Variants in NPRL3 observed in about 807,000 individuals in gnomAD.
The protein encoded by NPRL3 is NPR3 like, GATOR1 complex subunit.
In NPRL3, 23 loss-of-function variants were observed where a neutral mutation model predicts 57.2. The ratio of observed to expected loss-of-function variants is 0.40; its 90% CI spans 0.29 to 0.57. The LOEUF (loss-of-function observed/expected upper bound fraction) is 0.57. Ranked by LOEUF, NPRL3 falls within the 20% of genes least tolerant of loss-of-function variation. The pLI is 0.42. For missense variants in NPRL3, 691 were observed against 767.1 expected (o/e 0.90, Z 1.17); for synonymous variants, 333 against 321.1 (o/e 1.04, Z -0.39).
At chr16:100,634 G>T in intron 7 of NPRL3, 125 bp from the exon 8 acceptor site, 2 of 914,186 alleles carry the variant, frequency 2.2e-6, no homozygotes, top group Non-Finnish European at 3.0e-6. Context: ...GTGGAGACCC[G>T]GGCAGGAGAG....
Position 85,886 on chromosome 16 carries a change from G to A in NPRL3, c.*819C>T. On this transcript the variant is annotated 3_prime_UTR_variant, in exon 14 of 14. Transcript: ENST00000611875. ...GAGCTCCTCTAGGTGATCAACCCAT[G>A]TCTGGAGCTAGCTCTTCCTCCAGGA... 4 of 1,245,822 alleles carry A rather than the reference G, an allele frequency of 3.2e-6. No homozygotes were observed. The highest frequency in any genetic ancestry group is 4.1e-6 in the Non-Finnish European group (4 of 967,394). The allele number at this position is 1,245,822 out of a possible 1,614,324, so 77.2% of individuals were successfully genotyped here.
At chr16:116,787 A>ACCCCCCC (rs71391112) in intron 5 of NPRL3, among the ~76,000 whole-genome samples, 59 of 85,940 alleles carry the variant, frequency 6.9e-4, no homozygotes, top group South Asian at 2.0e-3. Context: ...ACATGGCGAG[A>ACCCCCCC]CCCCCCCCCC....
intron 11 of NPRL3, among the ~76,000 whole-genome samples, chr16:92,220 C>A (rs1017518993): frequency 6.6e-6 from 1 of 152,214 alleles, no homozygotes; most frequent in Non-Finnish European, 1.5e-5. Context: ...GAGAACAAAA[C>A]TGCCTTTGCA....
At chr16:128,286 AT>A (rs1900634460) in intron 3 of NPRL3, among the ~76,000 whole-genome samples, 1 of 152,170 alleles carries the variant, frequency 6.6e-6, no homozygotes, top group South Asian at 2.1e-4. Flanking sequence ...CATCTGGCCT[AT>A]TTCAGTTAAC....
rs758631728 is a variant in NPRL3, at chr16:85,625, C to T, written c.*1080G>A. 2 of 1,598,302 alleles carry T rather than the reference C, an allele frequency of 1.3e-6. No individual in the cohort carries two copies. Among genetic ancestry groups the T allele is most frequent in the Non-Finnish European group, 1.7e-6 (2 of 1,168,534 alleles). On this transcript the variant is annotated 3_prime_UTR_variant, in exon 14 of 14. Transcript: ENST00000611875. ...AGCTGTATGGCTGGAGCGTGGTCCC[C>T]TGGAGCCCAGTGAGCCGGCTGTAGT... is the stretch of plus-strand genomic sequence containing the variant.
chr16:103,093 GCTGTCAC>G (rs1899368436), intron 7 of NPRL3, among the ~76,000 whole-genome samples: 1 of 151,916 alleles, frequency 6.6e-6, no homozygotes, highest in Non-Finnish European at 1.5e-5. Context: ...CATGCACTGT[GCTGTCAC>G]CATCTGGGTC....
intron 4 of NPRL3, among the ~76,000 whole-genome samples, chr16:117,638 G>A (rs972143242): frequency 1.3e-5 from 2 of 152,230 alleles, no homozygotes; most frequent in Non-Finnish European, 2.9e-5. Flanking sequence ...ACGAGATGGA[G>A]AGGGGCATAA....
intron 10 of NPRL3, 23 bp from the exon 11 acceptor site, chr16:92,748 G>T (rs757524017): frequency 1.2e-6 from 2 of 1,611,794 alleles, no homozygotes; most frequent in South Asian, 1.1e-5. Context: ...GAGCATGCCA[G>T]TGAGTGCAGC....
chr16:127,902 G>A (rs374304455), intron 3 of NPRL3, among the ~76,000 whole-genome samples: 29 of 152,072 alleles, frequency 1.9e-4, no homozygotes, highest in East Asian at 1.5e-3. Flanking sequence ...TGATCCGCCC[G>A]CCTTGGCCTC....
At chr16:104,126 CAA>C (rs199846582) in intron 7 of NPRL3, among the ~76,000 whole-genome samples, 18 of 95,310 alleles carry the variant, frequency 1.9e-4, no homozygotes, top group Admixed American at 3.4e-4. Context: ...AACTCCATCT[CAA>C]AAAAAAAAAA....
intron 9 of NPRL3, among the ~76,000 whole-genome samples, chr16:95,406 TAAAA>T (rs1898965584): frequency 7.0e-6 from 1 of 143,076 alleles, no homozygotes; most frequent in Non-Finnish European, 1.5e-5. Context: ...TATATACAGA[TAAAA>T]AACCTGGAGG....
chr16:88,691 C>T lies in NPRL3; in HGVS notation c.1544+7G>A, dbSNP rs1186763060. On this transcript the variant is annotated splice_region_variant and intron_variant, in intron 13 of 13. Coordinates refer to ENST00000611875, the MANE Select transcript of NPRL3 (RefSeq NM_001077350.3). ...GCCCCAGTCCCAACGGGTCAACCTA[C>T]ACCCACCTGGCAAACATGCGGAGGT... 1.9e-6 allele frequency: 3 copies of T among 1,605,680 alleles called. No homozygotes were observed. The highest frequency in any genetic ancestry group is 1.3e-5 in the African/African-American group (1 of 74,784).
chr16:109,284 T>G lies in NPRL3; in HGVS notation c.629+1241A>C, dbSNP rs142546811. ...GCCCGGCCTGCTTGTCCACATTTAA[T>G]AAAGGTGATGCTCAGCCAATACAAT... On this transcript the variant is annotated intron_variant, in intron 7 of 13. Transcript: ENST00000611875. Among the ~76,000 whole-genome samples the G allele has an allele frequency of 5.9e-5, 9 of 152,276 alleles. No individual in the cohort carries two copies. The East Asian group carries it at 1.5e-3, about 26-fold the overall frequency.
rs768908442 is a variant in NPRL3 at position 98,200 on chromosome 16, G to C, written c.869C>G (p.Ser290Cys). Residue 290 changes from serine to cysteine, a missense_variant, in exon 9 of 14, where the codon TCT becomes TGT. By Grantham distance (112) the Ser-to-Cys change is moderately radical. Coordinates refer to ENST00000611875, the MANE Select transcript of NPRL3 (RefSeq NM_001077350.3). ...TAGCTGCTGCAGGTTCTTCACAGCAGATGTGGTCTTGATCACCCGCACTAG... is the reference window on the plus strand; with the variant it reads ...TAGCTGCTGCAGGTTCTTCACAGCACATGTGGTCTTGATCACCCGCACTAG... Reference protein sequence around the residue: ...PALVRVIKTTSAVKNLQQLAQ... With the variant: ...PALVRVIKTTCAVKNLQQLAQ... 1.2e-6 allele frequency: 2 copies of C among 1,613,986 alleles called. No individual in the cohort carries two copies. The highest frequency in any genetic ancestry group is 1.7e-6 in the Non-Finnish European group (2 of 1,179,890).
At position 93,003 on chromosome 16, in the gene NPRL3, T is replaced by C. The variant is rs1349179592; in HGVS notation, c.1031+216A>G. On this transcript the variant is annotated intron_variant, in intron 10 of 13. Transcript: ENST00000611875. ...CCAGCCTGGAGGAGGGGGCCAGGCA[T>C]ATGGGGGACACAGGAGAGCCACAGA... The C allele has an allele frequency of 1.1e-5, 7 of 613,056 alleles. No individual in the cohort carries two copies. The East Asian group carries it at 1.9e-4, about 17-fold the overall frequency. The allele number at this position is 613,056 out of a possible 1,614,324, so 38.0% of individuals were successfully genotyped here.
chr16:87,291 G>C (rs937268656), intron 13 of NPRL3, among the ~76,000 whole-genome samples: 2 of 152,038 alleles, frequency 1.3e-5, no homozygotes, highest in Non-Finnish European at 2.9e-5. Context: ...GATTGCAGTG[G>C]CTCGATCTCA....
intron 2 of NPRL3, among the ~76,000 whole-genome samples, chr16:136,860 A>C (rs1401273029): frequency 6.6e-6 from 1 of 151,942 alleles, no homozygotes; most frequent in East Asian, 1.9e-4. Context: ...GTATCTTTAA[A>C]ACTTTCTGCC....
chr16:111,103 T>C (rs1218989696), intron 6 of NPRL3, among the ~76,000 whole-genome samples: 2 of 152,136 alleles, frequency 1.3e-5, no homozygotes, highest in Non-Finnish European at 2.9e-5. Flanking sequence ...AAACATATTA[T>C]AAATTTTGAC....
intron 6 of NPRL3, 61 bp downstream of exon 6, chr16:112,561 G>A (rs1222264883): frequency 7.1e-7 from 1 of 1,414,166 alleles, no homozygotes; most frequent in Non-Finnish European, 9.3e-7. Context: ...ACAGAGGTCT[G>A]CGCTGCAGAG....
Sources: gnomAD v4.1 joint callset for allele counts (sites outside exome capture counted in the v4.1 genomes callset) on GRCh38, gnomAD v4.1.1 for gene constraint, MANE v1.5 for transcripts, NCBI Gene and HGNC (gene_info 2026-07-23, HGNC 2026-07-21) for gene names.